Variants in ALPL observed in about 807,000 individuals in gnomAD.
ALPL encodes the protein alkaline phosphatase, biomineralization associated.
ALPL carries 42 observed loss-of-function variants against 51.3 expected under a neutral mutation model. The observed-to-expected ratio is 0.82, with a 90% CI of 0.64 to 1.06. ALPL has a LOEUF of 1.06. Ranked by LOEUF, ALPL falls within the 50% of genes least tolerant of loss-of-function variation. ALPL has a pLI of 0.00. For missense variants in ALPL, 589 were observed against 709.4 expected (o/e 0.83, Z 1.93); for synonymous variants, 279 against 296.4 (o/e 0.94, Z 0.60).
At chr1:21,530,643 A>C (rs1161339769) in intron 1 of ALPL, among the ~76,000 whole-genome samples, 3 of 152,108 alleles carry the variant, frequency 2.0e-5, no homozygotes, top group East Asian at 3.8e-4. Context: ...AAGGGGCTAT[A>C]TGCCTAGGTC....
At chr1:21,570,223 C>T in intron 7 of ALPL, 82 bp from the exon 8 acceptor site, 1 of 1,418,848 alleles carries the variant, frequency 7.0e-7, no homozygotes, top group Admixed American at 1.8e-5. Context: ...AAGTAAAGGC[C>T]TCAGACTCTG....
intron 1 of ALPL, among the ~76,000 whole-genome samples, chr1:21,552,105 TTCCTCCCCTTCCCTTTCCTCCCTCCCCTC>T (rs1644335041): frequency 4.4e-5 from 1 of 22,838 alleles, no homozygotes; most frequent in Admixed American, 5.5e-4. Context: ...TCCCTTCCCT[TTCCTCCCCTTCCCTTTCCTCCCTCCCCTC>T]CCCTCCCCTC....
intron 1 of ALPL, among the ~76,000 whole-genome samples, chr1:21,531,500 C>A (rs1334815315): frequency 3.3e-5 from 5 of 152,152 alleles, no homozygotes; most frequent in African/African-American, 1.2e-4. Context: ...AATTGAGGGG[C>A]AGAACAAAGG....
chr1:21,570,852 G>A (rs1644637607), intron 8 of ALPL, among the ~76,000 whole-genome samples: 1 of 152,228 alleles, frequency 6.6e-6, no homozygotes, highest in African/African-American at 2.4e-5. Flanking sequence ...GGCAGCTTCA[G>A]GTCTGGTGGG....
At chr1:21,537,758 G>A (rs958508519) in intron 1 of ALPL, among the ~76,000 whole-genome samples, 1 of 152,174 alleles carries the variant, frequency 6.6e-6, no homozygotes, top group Non-Finnish European at 1.5e-5. Flanking sequence ...GAATCCCAGC[G>A]CTCCCACGTG....
At position 21,564,286 on chromosome 1, in the gene ALPL, C is replaced by T; in HGVS notation, c.648+70C>T. 6.3e-7 allele frequency: 1 copy of T among 1,580,228 alleles called. No homozygotes were observed. Among genetic ancestry groups the T allele is most frequent in the African/African-American group, 1.3e-5 (1 of 74,476 alleles). ...CCTCTGGTGGGCAGGAGGCCTCAGG[C>T]CCAGGCTGGCCCGGAGAAAGCAGCC... On this transcript the variant is annotated intron_variant, in intron 6 of 11. Coordinates refer to ENST00000374840, the MANE Select transcript of ALPL (RefSeq NM_000478.6). The surrounding 1 kb of genome is among the most constrained non-coding windows in gnomAD (Gnocchi z 5.8).
intron 4 of ALPL, among the ~76,000 whole-genome samples, chr1:21,562,537 G>A (rs1301490852): frequency 6.6e-6 from 1 of 152,158 alleles, no homozygotes; most frequent in Non-Finnish European, 1.5e-5. Context: ...CCTTCAAGGT[G>A]CTCTCAGGCT....
chr1:21,551,850 T>G (rs1320353571), intron 1 of ALPL, among the ~76,000 whole-genome samples: 1 of 149,256 alleles, frequency 6.7e-6, no homozygotes, highest in African/African-American at 2.5e-5. Flanking sequence ...CTCAGCCTCC[T>G]GAGTAGCTGG....
At chr1:21,568,024 G>A in intron 6 of ALPL, 80 bp from the exon 7 acceptor site, 5 of 1,600,274 alleles carry the variant, frequency 3.1e-6, no homozygotes, top group Non-Finnish European at 4.3e-6. Flanking sequence ...GACTCCAGGA[G>A]TCCAGGTTCC....
At chr1:21,573,440 AAAAAAAAAG>A (rs1343216977) in intron 8 of ALPL, among the ~76,000 whole-genome samples, 1 of 143,302 alleles carries the variant, frequency 7.0e-6, no homozygotes. Context: ...CTGTCTCAAA[AAAAAAAAAG>A]AAAAGAAAAG....
intron 10 of ALPL, among the ~76,000 whole-genome samples, chr1:21,576,245 TG>T (rs1386050945): frequency 3.0e-4 from 37 of 122,426 alleles, no homozygotes; most frequent in African/African-American, 4.3e-4. Flanking sequence ...GATGGATGGA[TG>T]GATGGATGAT....
rs1644478962 is a variant in ALPL, at chr1:21,561,131, C to A, written c.216C>A (p.Ile72=). 9 of 1,613,266 alleles carry A rather than the reference C, an allele frequency of 5.6e-6. No individual in the cohort carries two copies. The highest frequency in any genetic ancestry group is 7.6e-6 in the Non-Finnish European group (9 of 1,179,804). ...TCTCCACAGTGACGGCTGCCCGCAT[C>A]CTCAAGGGTCAGCTCCACCACAACC... The part of the protein sequence containing the change: ...MGVSTVTAAR[I]LKGQLHHNPG... The change falls in exon 4 of 12, where the codon ATC becomes ATA. Residue 72 remains isoleucine, a synonymous_variant. Transcript: ENST00000374840.
intron 5 of ALPL, among the ~76,000 whole-genome samples, chr1:21,563,536 G>A (rs567124027): frequency 1.6e-4 from 24 of 152,140 alleles, no homozygotes; most frequent in Non-Finnish European, 3.2e-4. Context: ...ACTATAAAAC[G>A]GGTGGGAACG....
intron 1 of ALPL, among the ~76,000 whole-genome samples, chr1:21,530,708 G>T (rs1644016418): frequency 6.6e-6 from 1 of 151,920 alleles, no homozygotes; most frequent in Non-Finnish European, 1.5e-5. Context: ...GACTGTAGAG[G>T]CCCCCTGTAG....
At chr1:21,541,176 C>T (rs1447173598) in intron 1 of ALPL, among the ~76,000 whole-genome samples, 2 of 152,190 alleles carry the variant, frequency 1.3e-5, no homozygotes, top group Non-Finnish European at 2.9e-5. Flanking sequence ...TCATCTGCCC[C>T]ACTTGCCCAT....
Position 21,573,732 on chromosome 1 carries a change from C to G in ALPL, c.930C>G (p.Ser310=). The G allele has an allele frequency of 6.2e-7, 1 of 1,614,134 alleles. No homozygotes were observed. The highest frequency in any genetic ancestry group is 8.5e-7 in the Non-Finnish European group (1 of 1,180,018). Residue 310 remains serine (S), a synonymous_variant, in exon 9 of 12, where the codon TCC becomes TCG. Coordinates refer to ENST00000374840, the MANE Select transcript of ALPL (RefSeq NM_000478.6). The stretch of plus-strand genomic sequence containing the variant: ...ACAACGTGACGGACCCGTCACTCTC[C>G]GAGATGGTGGTGGTGGCCATCCAGA... ...NRNNVTDPSL[S]EMVVVAIQIL... is the part of the protein sequence containing the mutation.
chr1:21,522,354 G>GT (rs1303413489), intron 1 of ALPL, among the ~76,000 whole-genome samples: 3 of 152,106 alleles, frequency 2.0e-5, no homozygotes, highest in African/African-American at 4.8e-5. Context: ...GATTACAGGC[G>GT]TGAGCCACTG....
intron 1 of ALPL, among the ~76,000 whole-genome samples, chr1:21,550,935 A>G (rs1331836192): frequency 2.0e-5 from 3 of 152,200 alleles, no homozygotes; most frequent in African/African-American, 7.2e-5. Context: ...AGCCTGCCGT[A>G]GATGGAGGCA....
At chr1:21,554,843 T>A (rs1450103051) in intron 2 of ALPL, among the ~76,000 whole-genome samples, 1 of 135,808 alleles carries the variant, frequency 7.4e-6, no homozygotes, top group Non-Finnish European at 1.6e-5. Context: ...CTTTCTTTCT[T>A]TCTTTCTTTC....
Sources: allele counts gnomAD v4.1 joint callset (sites outside exome capture counted in the v4.1 genomes callset), GRCh38; gene constraint gnomAD v4.1.1; non-coding constraint Gnocchi (gnomAD v3.1); transcripts MANE v1.5; gene names NCBI Gene and HGNC (gene_info 2026-07-23, HGNC 2026-07-21).